Variants in CACNG7 observed in about 807,000 individuals in gnomAD.
CACNG7 encodes voltage-dependent calcium channel gamma-7 subunit.
A neutral mutation model predicts 26.3 loss-of-function variants in CACNG7; 9 were observed. That is an observed-to-expected ratio of 0.34 (90% CI 0.21 to 0.60). CACNG7 has a LOEUF of 0.60. Ranked by LOEUF, CACNG7 falls within the 20% of genes least tolerant of loss-of-function variation. The pLI is 0.81. For synonymous variants in CACNG7, 170 were observed against 157.0 expected (o/e 1.08, Z -0.62); for missense variants, 297 against 380.4 (o/e 0.78, Z 1.82).
In CACNG7 at chr19:53,939,679, G is replaced by C. The variant is rs893613878; in HGVS notation, c.425-1791G>C. Reference sequence around the variant, plus strand: ...CATTTTGTTTATCCATTCATCAGCTGATGGGCATTTGGGCTGTTTCCGCTT... The same window carrying C: ...CATTTTGTTTATCCATTCATCAGCTCATGGGCATTTGGGCTGTTTCCGCTT... On this transcript the variant is annotated intron_variant, in intron 4 of 5. Transcript: ENST00000391767. This position sits in a 1 kb window ranked among gnomAD's most constrained non-coding sequence, Gnocchi z 4.2. Among the ~76,000 whole-genome samples the C allele has an allele frequency of 6.6e-6, 1 of 152,144 alleles. No homozygotes were observed. Among genetic ancestry groups the C allele is most frequent in the Non-Finnish European group, 1.5e-5 (1 of 68,032 alleles).
intron 4 of CACNG7, among the ~76,000 whole-genome samples, chr19:53,923,982 C>A (rs2068995025): frequency 7.2e-6 from 1 of 138,916 alleles, no homozygotes; most frequent in Non-Finnish European, 1.5e-5. Context: ...TGGAGTTGTC[C>A]CCAGGCCTGG....
chr19:53,920,057 G>A (rs1459852670), intron 4 of CACNG7, among the ~76,000 whole-genome samples: 1 of 119,862 alleles, frequency 8.3e-6, no homozygotes, highest in Non-Finnish European at 1.7e-5. Context: ...TGGTGGACTT[G>A]CCCCAGGCTG....
At position 53,943,863 on chromosome 19, in the gene CACNG7, G is replaced by A. The variant is rs1568787600; in HGVS notation, c.*1570G>A. 6.6e-6 allele frequency: 1 copy of A among 151,970 alleles called. No individual in the cohort carries two copies. The highest frequency in any genetic ancestry group is 1.5e-5 in the Non-Finnish European group (1 of 68,010). The allele number at this position is 151,970 out of a possible 1,614,324, so 9.4% of individuals were successfully genotyped here. On this transcript the variant is annotated 3_prime_UTR_variant, in exon 6 of 6. Transcript: ENST00000391767. ...AATCATCATCATTATCAACGGCAGCGCTTTATACTTCAGTCCGTGTAAAGC... is the reference window on the plus strand; with the variant it reads ...AATCATCATCATTATCAACGGCAGCACTTTATACTTCAGTCCGTGTAAAGC...
rs367634340 is a variant in CACNG7, at chr19:53,912,999, C to T, written c.168C>T (p.Ala56=). 56 of 1,612,328 alleles carry T rather than the reference C, an allele frequency of 3.5e-5. No homozygotes were observed. Among genetic ancestry groups the T allele is most frequent in the East Asian group, 2.9e-4 (13 of 44,828 alleles). ...QTTEVKMALH[A]GLWRVCFFAG... is the part of the protein sequence containing the mutation. The stretch of plus-strand genomic sequence containing the variant: ...CCGAGGTCAAGATGGCCCTGCACGC[C>T]GGCCTCTGGCGAGTCTGCTTCTTTG... Residue 56 remains alanine, a synonymous_variant, in exon 2 of 6, where the codon GCC becomes GCT. Transcript: ENST00000391767. The surrounding 1 kb of genome is among the most constrained non-coding windows in gnomAD (Gnocchi z 4.6).
At position 53,942,171 on chromosome 19, in the gene CACNG7, G is replaced by T; in HGVS notation, c.706G>T (p.Ala236Ser). The T allele has an allele frequency of 6.2e-7, 1 of 1,614,048 alleles. No individual in the cohort carries two copies. Among genetic ancestry groups the T allele is most frequent in the African/African-American group, 1.3e-5 (1 of 75,030 alleles). The change falls in exon 6 of 6, where the codon GCG (alanine) becomes TCG (serine). Residue 236 changes from alanine to serine, a missense_variant. Coordinates refer to ENST00000391767, the MANE Select transcript of CACNG7 (RefSeq NM_031896.5). This position sits in a 1 kb window ranked among gnomAD's most constrained non-coding sequence, Gnocchi z 5.9. ...CTCGGGCCAGTTCCTGCAGCCCGAGGCGTGGCGCCGCGGCCGGAGCCCCTC... is the reference window on the plus strand; with the variant it reads ...CTCGGGCCAGTTCCTGCAGCCCGAGTCGTGGCGCCGCGGCCGGAGCCCCTC... ...DYSGQFLQPE[A>S]WRRGRSPSDI...
chr19:53,925,937 G>A (rs2069027499), intron 4 of CACNG7, among the ~76,000 whole-genome samples: 1 of 152,150 alleles, frequency 6.6e-6, no homozygotes, highest in African/African-American at 2.4e-5. Flanking sequence ...AAGCTAGACG[G>A]GCATTGGTTT....
rs751560841 is a variant in CACNG7 at position 53,915,374 on chromosome 19, G to A, written c.293G>A (p.Arg98His). 121 of 1,612,952 alleles carry A rather than the reference G, an allele frequency of 7.5e-5. No individual in the cohort carries two copies. The highest frequency in any genetic ancestry group is 1.6e-4 in the South Asian group (15 of 91,054). The change falls in exon 4 of 6, where the codon CGC becomes CAC. Residue 98 changes from arginine to histidine, a missense_variant. By Grantham distance (29) the Arg-to-His change is conservative. Coordinates refer to ENST00000391767, the MANE Select transcript of CACNG7 (RefSeq NM_031896.5). ...CCCATCCCCTCCCCAGAGACAGTGC[G>A]CACGGCCACCCCCTTCCCCATGGTC... ...ENTENILKTV[R>H]TATPFPMVSL... is the part of the protein sequence containing the mutation.
chr19:53,914,870 C>T (rs776467967), intron 3 of CACNG7, among the ~76,000 whole-genome samples: 11 of 151,804 alleles, frequency 7.2e-5, no homozygotes, highest in Non-Finnish European at 1.3e-4. Flanking sequence ...GGCGTGGTGG[C>T]GCGTGCCTGT....
chr19:53,909,989 G>A lies in CACNG7; in HGVS notation c.-30+472G>A, dbSNP rs1225872748. ...TCCGGGAAAGGGTGGGAGAAAGAGG[G>A]AGAAGAGGAGGCTTCAGGCCTGGGG... On this transcript the variant is annotated intron_variant, in intron 1 of 5. Transcript: ENST00000391767. This position sits in a 1 kb window ranked among gnomAD's most constrained non-coding sequence, Gnocchi z 5.1. Among the ~76,000 whole-genome samples, 2 of 152,162 alleles carry A rather than the reference G, an allele frequency of 1.3e-5. No homozygotes were observed. The highest frequency in any genetic ancestry group is 4.8e-5 in the African/African-American group (2 of 41,444).
At position 53,910,919 on chromosome 19, in the gene CACNG7, G is replaced by T. The variant is rs963249574; in HGVS notation, c.-30+1402G>T. The stretch of plus-strand genomic sequence containing the variant: ...AACCTCTGGTAGGAAGTTTCAGATC[G>T]TGTGTTAGGGGAGGGGGTTTTGGGA... On this transcript the variant is annotated intron_variant, in intron 1 of 5. Transcript: ENST00000391767. Among the ~76,000 whole-genome samples the T allele has an allele frequency of 2.0e-5, 3 of 152,126 alleles. No homozygotes were observed. The East Asian group carries it at 5.8e-4, about 29-fold the overall frequency.
chr19:53,934,389 T>C (rs1215200550), intron 4 of CACNG7, among the ~76,000 whole-genome samples: 1 of 152,208 alleles, frequency 6.6e-6, no homozygotes, highest in African/African-American at 2.4e-5. Context: ...TAATGTCAGG[T>C]TGTCCCACAG....
intron 2 of CACNG7, among the ~76,000 whole-genome samples, chr19:53,913,356 T>C (rs1026113500): frequency 7.9e-5 from 12 of 151,156 alleles, no homozygotes; most frequent in African/African-American, 2.9e-4. Flanking sequence ...GCGCGGTGGC[T>C]CATGCCTGTA....
At position 53,912,324 on chromosome 19, in the gene CACNG7, C is replaced by T. The variant is rs917662564; in HGVS notation, c.-29-479C>T. Among the ~76,000 whole-genome samples, 1 of 152,154 alleles carries T rather than the reference C, an allele frequency of 6.6e-6. No homozygotes were observed. The highest frequency in any genetic ancestry group is 2.4e-5 in the African/African-American group (1 of 41,438). ...ATAGTTTCTGAGTCACTGATCCACACTCAAGGTTAGGGACTCTGGTGGCAT... is the reference window on the plus strand; with the variant it reads ...ATAGTTTCTGAGTCACTGATCCACATTCAAGGTTAGGGACTCTGGTGGCAT... On this transcript the variant is annotated intron_variant, in intron 1 of 5. Coordinates refer to ENST00000391767, the MANE Select transcript of CACNG7 (RefSeq NM_031896.5). This position sits in a 1 kb window ranked among gnomAD's most constrained non-coding sequence, Gnocchi z 4.6.
intron 4 of CACNG7, among the ~76,000 whole-genome samples, chr19:53,919,867 AC>A (rs2068926866): frequency 8.4e-6 from 1 of 119,398 alleles, no homozygotes; most frequent in East Asian, 2.8e-4. Flanking sequence ...TCATTGGTGG[AC>A]TTGCCCCAGG....
At chr19:53,919,050 G>T (rs2068917198) in intron 4 of CACNG7, among the ~76,000 whole-genome samples, 1 of 152,204 alleles carries the variant, frequency 6.6e-6, no homozygotes, top group Non-Finnish European at 1.5e-5. Flanking sequence ...AATTGCAGGC[G>T]TGAGCCACCG....
At chr19:53,924,089 T>TG (rs2068997047) in intron 4 of CACNG7, among the ~76,000 whole-genome samples, 2 of 138,050 alleles carry the variant, frequency 1.4e-5, no homozygotes, top group African/African-American at 6.1e-5. Context: ...TTGGTGGAGT[T>TG]GTCCCCAGGT....
intron 4 of CACNG7, among the ~76,000 whole-genome samples, chr19:53,921,213 C>G (rs541640978): frequency 5.8e-4 from 40 of 68,842 alleles, no homozygotes; most frequent in African/African-American, 3.8e-3. Context: ...GTCCCCAGGC[C>G]TGGTATTGGT....
intron 4 of CACNG7, among the ~76,000 whole-genome samples, chr19:53,935,061 T>C (rs1382499377): frequency 1.3e-5 from 2 of 151,056 alleles, no homozygotes; most frequent in Non-Finnish European, 2.9e-5. Context: ...TATATACCTA[T>C]GTATACACAC....
At chr19:53,936,965 T>C (rs1014085298) in intron 4 of CACNG7, among the ~76,000 whole-genome samples, 1 of 152,112 alleles carries the variant, frequency 6.6e-6, no homozygotes, top group Non-Finnish European at 1.5e-5. Flanking sequence ...GGGAGTGCAG[T>C]GGTGCAGTCA....
Sources: allele counts gnomAD v4.1 joint callset (sites outside exome capture counted in the v4.1 genomes callset), GRCh38; gene constraint gnomAD v4.1.1; non-coding constraint Gnocchi (gnomAD v3.1); transcripts MANE v1.5; gene names NCBI Gene and HGNC (gene_info 2026-07-23, HGNC 2026-07-21).